The following EYA2 variants were observed in gnomAD, a reference collection of about 807,000 sequenced individuals.
EYA2 encodes the protein EYA transcriptional coactivator and phosphatase 2.
In EYA2, 31 loss-of-function variants were observed where a neutral mutation model predicts 69.2. The ratio of observed to expected loss-of-function variants is 0.45; its 90% CI spans 0.34 to 0.60. EYA2 has a LOEUF of 0.60. Ranked by LOEUF, EYA2 falls within the 20% of genes least tolerant of loss-of-function variation. EYA2 has a pLI of 0.02. For missense variants in EYA2, 622 were observed against 701.2 expected, an observed-to-expected ratio of 0.89 and a Z score of 1.28; for synonymous variants, 257 against 279.4, an observed-to-expected ratio of 0.92 and a Z score of 0.80.
intron 3 of EYA2, among the ~76,000 whole-genome samples, chr20:47,002,406 T>C (rs1285219979): frequency 3.9e-5 from 6 of 152,156 alleles, no homozygotes; most frequent in African/African-American, 1.4e-4. Flanking sequence ...CCTCCCTGTG[T>C]CCATGTGTTC....
At chr20:47,021,556 A>G (rs1375332288) in intron 5 of EYA2, among the ~76,000 whole-genome samples, 2 of 146,260 alleles carry the variant, frequency 1.4e-5, no homozygotes, top group Non-Finnish European at 3.0e-5. Flanking sequence ...GAACCCGGGT[A>G]GTGGAGGTTG....
chr20:46,951,309 C>T (rs1978778976), intron 1 of EYA2, among the ~76,000 whole-genome samples: 1 of 152,174 alleles, frequency 6.6e-6, no homozygotes. Flanking sequence ...GGTCACAGCA[C>T]ATGTAGCAGT....
In EYA2 at chr20:47,174,074, G is replaced by C. The variant is rs535705050; in HGVS notation, c.1198+1207G>C. ...GGTTTTTAACTAGGGGTGGTACTGCGCCCTCCTCAGGAGACATCTGGGAGT... is the reference window on the plus strand; with the variant it reads ...GGTTTTTAACTAGGGGTGGTACTGCCCCCTCCTCAGGAGACATCTGGGAGT... On this transcript the variant is annotated intron_variant, in intron 12 of 15. Transcript: ENST00000327619. Among the ~76,000 whole-genome samples the C allele has an allele frequency of 1.4e-4, 21 of 152,276 alleles. No individual in the cohort carries two copies. The South Asian group carries it at 2.3e-3, about 17-fold the overall frequency.
intron 1 of EYA2, among the ~76,000 whole-genome samples, chr20:46,903,712 A>G (rs1432211711): frequency 6.6e-6 from 1 of 152,090 alleles, no homozygotes; most frequent in Admixed American, 6.5e-5. Context: ...ATAAACATGA[A>G]GTGTTTGGAA....
chr20:47,026,502 C>T (rs1384181062), intron 5 of EYA2, among the ~76,000 whole-genome samples: 2 of 150,856 alleles, frequency 1.3e-5, no homozygotes, highest in African/African-American at 4.9e-5. Context: ...TGACAAAAAA[C>T]AAGCAAACAA....
chr20:47,183,363 G>C lies in EYA2; in HGVS notation c.1508G>C (p.Gly503Ala). The C allele has an allele frequency of 6.2e-7, 1 of 1,614,128 alleles. No individual in the cohort carries two copies. The highest frequency in any genetic ancestry group is 8.5e-7 in the Non-Finnish European group (1 of 1,180,010). The change falls in exon 15 of 16, where the codon GGT becomes GCT. Residue 503 changes from glycine (G) to alanine (A), a missense_variant. Around this residue, in one of 2 missense-constraint regions of EYA2, gnomAD observed 257 missense variants for 351.5 expected, o/e 0.73. Transcript: ENST00000327619. ...GCTGTCTACGTGGTGATCGGTGATG[G>C]TGTGGAAGAGGAGCAAGGAGCGAAA... ...RKAVYVVIGD[G>A]VEEEQGAKKH...
At position 47,004,960 on chromosome 20, in the gene EYA2, C is replaced by T. The variant is rs916004053; in HGVS notation, c.174C>T (p.Leu58=). The part of the protein sequence containing the change: ...QLFSRSCPRV[L]PRQPSTAMAA... ...CACACAGATCTTGCCCACGTGTCCT[C>T]CCCCGCCAGCCTTCCACAGCCATGG... The change falls in exon 4 of 16, where the codon CTC becomes CTT. Residue 58 remains leucine (L), a synonymous_variant. Transcript: ENST00000327619. 1.9e-6 allele frequency: 3 copies of T among 1,613,962 alleles called. No individual in the cohort carries two copies. The highest frequency in any genetic ancestry group is 2.5e-6 in the Non-Finnish European group (3 of 1,179,988).
chr20:46,996,912 A>G (rs1982061409), intron 2 of EYA2, among the ~76,000 whole-genome samples: 1 of 151,986 alleles, frequency 6.6e-6, no homozygotes, highest in Non-Finnish European at 1.5e-5. Context: ...AAAAAAGAAC[A>G]AATTAGTACC....
chr20:47,017,245 T>C (rs2903942), intron 5 of EYA2, among the ~76,000 whole-genome samples: 39,919 of 152,076 alleles, frequency 0.26, 5,370 homozygotes, highest in South Asian at 0.33. Context: ...TTTCCCTTTA[T>C]ATAAGCTGCT....
intron 10 of EYA2, among the ~76,000 whole-genome samples, chr20:47,143,567 A>C (rs1163365938): frequency 1.3e-5 from 2 of 152,144 alleles, no homozygotes; most frequent in Non-Finnish European, 2.9e-5. Flanking sequence ...AACAATTTAC[A>C]TTCCCCTGAA....
In EYA2 at chr20:46,983,976, A is replaced by G. The variant is rs1450354703; in HGVS notation, c.-10-6025A>G. Among the ~76,000 whole-genome samples the G allele has an allele frequency of 2.6e-5, 4 of 152,320 alleles. No individual in the cohort carries two copies. In the East Asian group the frequency reaches 7.7e-4, roughly 29 times the overall value. ...TTTGATCATGATAGTGAGGTTGACT[A>G]AAAATACAAGCTATCCCGTCGTAGC... On this transcript the variant is annotated intron_variant, in intron 1 of 15. Transcript: ENST00000327619.
At chr20:46,989,590 C>T (rs1220189035) in intron 1 of EYA2, among the ~76,000 whole-genome samples, 3 of 152,320 alleles carry the variant, frequency 2.0e-5, no homozygotes, top group East Asian at 3.9e-4. Context: ...TAACCACAGT[C>T]AACTCCACGT....
At chr20:46,963,731 C>G (rs1180958689) in intron 1 of EYA2, among the ~76,000 whole-genome samples, 1 of 152,212 alleles carries the variant, frequency 6.6e-6, no homozygotes, top group African/African-American at 2.4e-5. Context: ...GAAGGTGGGC[C>G]GGGGGTGGTG....
chr20:47,123,007 G>T (rs1263968624), intron 9 of EYA2, among the ~76,000 whole-genome samples: 1 of 152,134 alleles, frequency 6.6e-6, no homozygotes, highest in Non-Finnish European at 1.5e-5. Context: ...TTGCCTTCCT[G>T]TGCCTCAGTT....
chr20:47,012,539 G>A (rs183494943), intron 4 of EYA2, among the ~76,000 whole-genome samples: 298 of 152,292 alleles, frequency 2.0e-3, no homozygotes, highest in Non-Finnish European at 2.2e-3. Flanking sequence ...TTTAGCCCAG[G>A]CTGGAGTGCA....
At chr20:46,978,405 A>G (rs1600601689) in intron 1 of EYA2, 2 of 356,050 alleles carry the variant, frequency 5.6e-6, no homozygotes, top group East Asian at 1.5e-4. Context: ...GCCTGGGGAA[A>G]TCCTGCCGGA....
In EYA2 at chr20:46,987,947, T is replaced by TCTCTCTCA. The variant is rs1981355997; in HGVS notation, c.-10-2047_-10-2046insACTCTCTC. Among the ~76,000 whole-genome samples the TCTCTCTCA allele has an allele frequency of 6.6e-5, 3 of 45,618 alleles. No homozygotes were observed. In the South Asian group the frequency reaches 2.9e-3, roughly 44 times the overall value. The allele number at this position is 45,618 out of a possible 152,430, so 29.9% of individuals were successfully genotyped here. ...CTCTCTCTCTCTCTCTCTCTCTCTC[T>TCTCTCTCA]CTCTCTCTCTCTCTCTCTATATATA... On this transcript the variant is annotated intron_variant, in intron 1 of 15. Transcript: ENST00000327619.
chr20:47,023,998 T>G (rs1258872722), intron 5 of EYA2, among the ~76,000 whole-genome samples: 1 of 152,220 alleles, frequency 6.6e-6, no homozygotes, highest in Non-Finnish European at 1.5e-5. Context: ...TCTGGCTTCT[T>G]GAACAGATAG....
chr20:46,929,897 A>C (rs1037201181), intron 1 of EYA2, among the ~76,000 whole-genome samples: 9 of 152,202 alleles, frequency 5.9e-5, no homozygotes, highest in African/African-American at 2.2e-4. Context: ...CACCCTTCCT[A>C]AACTTAGGTG....
Sources: gnomAD v4.1 joint callset for allele counts (sites outside exome capture counted in the v4.1 genomes callset) on GRCh38, gnomAD v4.1.1 for gene constraint, gnomAD v4.1.1 regional missense constraint, MANE v1.5 for transcripts, NCBI Gene and HGNC (gene_info 2026-07-23, HGNC 2026-07-21) for gene names.